UBE2O: variants seen among roughly 807,000 people sequenced by gnomAD.
The protein encoded by UBE2O is ubiquitin conjugating enzyme E2 O, also known as (E3-independent) E2 ubiquitin-conjugating enzyme.
UBE2O carries 15 observed loss-of-function variants against 125.8 expected under a neutral mutation model. That is an observed-to-expected ratio of 0.12 (90% CI 0.08 to 0.18). The LOEUF (loss-of-function observed/expected upper bound fraction) is 0.18, where lower values mean the gene tolerates loss of function less well. UBE2O is among the 10% of genes least tolerant of loss of function. The pLI, the probability that UBE2O is intolerant of heterozygous loss-of-function variation, is 1.00. For missense variants in UBE2O, 1,280 were observed against 1,723.6 expected, an observed-to-expected ratio of 0.74 and a Z score of 4.56; for synonymous variants, 708 against 703.2, an observed-to-expected ratio of 1.01 and a Z score of -0.11.
At chr17:76,428,416 C>G (rs59499025) in intron 1 of UBE2O, among the ~76,000 whole-genome samples, 2,072 of 152,240 alleles carry the variant, frequency 0.014, 45 homozygotes, top group African/African-American at 0.046. Context: ...TTCCTGGGAG[C>G]CTTCGTCAAC....
rs754023189 is a variant in UBE2O at position 76,398,206 on chromosome 17, G to A, written c.2025+49C>T. On this transcript the variant is annotated intron_variant, in intron 12 of 17. Coordinates refer to ENST00000319380, the MANE Select transcript of UBE2O (RefSeq NM_022066.4). This position sits in a 1 kb window ranked among gnomAD's most constrained non-coding sequence, Gnocchi z 5.4. ...GTGGCAGCATCAGGGACTGCAGCTG[G>A]TGCACAGGGCAGTGAGCAGCCATCC... 3.7e-6 allele frequency: 6 copies of A among 1,611,902 alleles called. No homozygotes were observed. The Admixed American group carries it at 6.7e-5, about 18-fold the overall frequency.
intron 1 of UBE2O, among the ~76,000 whole-genome samples, chr17:76,435,508 C>T (rs913404289): frequency 3.3e-5 from 5 of 151,810 alleles, no homozygotes; most frequent in Admixed American, 6.6e-5. Context: ...CAAGCTAATT[C>T]GCAATATTCC....
intron 1 of UBE2O, among the ~76,000 whole-genome samples, chr17:76,428,577 T>C (rs1264309378): frequency 6.6e-6 from 1 of 152,230 alleles, no homozygotes; most frequent in Non-Finnish European, 1.5e-5. Flanking sequence ...GAATCAGCTC[T>C]GATTCCTCGG....
chr17:76,416,056 T>TATATATGTGTGTGTACATATGTACAC (rs2072605453), intron 1 of UBE2O, among the ~76,000 whole-genome samples: 1 of 151,664 alleles, frequency 6.6e-6, no homozygotes, highest in African/African-American at 2.4e-5. Context: ...CATATGTACA[T>TATATATGTGTGTGTACATATGTACAC]ACACGTATAT....
intron 1 of UBE2O, among the ~76,000 whole-genome samples, chr17:76,434,467 C>A (rs765050393): frequency 6.6e-6 from 1 of 152,118 alleles, no homozygotes; most frequent in East Asian, 1.9e-4. Context: ...AAAGGACACG[C>A]CAATAGTCCT....
In UBE2O at chr17:76,452,829, C is replaced by G. The variant is rs750596537; in HGVS notation, c.313G>C (p.Gly105Arg). 7.6e-5 allele frequency: 115 copies of G among 1,505,004 alleles called. No individual in the cohort carries two copies. Among genetic ancestry groups the G allele is most frequent in the Non-Finnish European group, 9.6e-5 (108 of 1,127,864 alleles). The allele number at this position is 1,505,004 out of a possible 1,614,324, so 93.2% of individuals were successfully genotyped here. ...GRGSSGCSEA[G>R]GAGHEEGRAS... ...CGGCCCTCCTCGTGGCCCGCGCCCCCGGCCTCGGAGCACCCCGAGCTCCCG... is the reference window on the plus strand; with the variant it reads ...CGGCCCTCCTCGTGGCCCGCGCCCCGGGCCTCGGAGCACCCCGAGCTCCCG... Residue 105 changes from glycine (G) to arginine (R), a missense_variant, in exon 1 of 18, where the codon GGG (glycine) becomes CGG (arginine). This residue lies in a region of UBE2O where 188 missense variants were observed against 192.5 expected (regional missense o/e 0.98). Coordinates refer to ENST00000319380, the MANE Select transcript of UBE2O (RefSeq NM_022066.4). The surrounding 1 kb of genome is among the most constrained non-coding windows in gnomAD (Gnocchi z 4.4).
At position 76,396,092 on chromosome 17, in the gene UBE2O, C is replaced by T. The variant is rs772839520; in HGVS notation, c.2809+36G>A. ...GACACAAACAGGAGCCCCGAGAAGG[C>T]GGGGGAAGGCGAAGACCAGGCAAGG... On this transcript the variant is annotated intron_variant, in intron 14 of 17. Coordinates refer to ENST00000319380, the MANE Select transcript of UBE2O (RefSeq NM_022066.4). The surrounding 1 kb of genome is among the most constrained non-coding windows in gnomAD (Gnocchi z 6.7). 16 of 1,600,996 alleles carry T rather than the reference C, an allele frequency of 1.0e-5. No homozygotes were observed. In the African/African-American group the frequency reaches 1.5e-4, roughly 15 times the overall value.
At position 76,399,367 on chromosome 17, in the gene UBE2O, G is replaced by A. The variant is rs566546000; in HGVS notation, c.1628+82C>T. 3.6e-5 allele frequency: 48 copies of A among 1,333,050 alleles called. No homozygotes were observed. The South Asian group carries it at 3.9e-4, about 11-fold the overall frequency. 82.6% of individuals were successfully genotyped at this position (1,333,050 alleles called of 1,614,324 possible). On this transcript the variant is annotated intron_variant, in intron 9 of 17. Transcript: ENST00000319380. The surrounding 1 kb of genome is among the most constrained non-coding windows in gnomAD (Gnocchi z 6.9). The stretch of plus-strand genomic sequence containing the variant: ...GGCATGCAGAGGTGTGTGTGCGAGC[G>A]CAGGCACGCACACCGAGGGGACGCG...
Position 76,392,003 on chromosome 17 carries a change from G to T in UBE2O, c.3057C>A (p.Phe1019Leu). The T allele has an allele frequency of 6.3e-7, 1 of 1,598,632 alleles. No individual in the cohort carries two copies. The change falls in exon 16 of 18, where the codon TTC becomes TTA. Residue 1019 changes from phenylalanine to leucine, a missense_variant. Coordinates refer to ENST00000319380, the MANE Select transcript of UBE2O (RefSeq NM_022066.4). ...PNIYPAVPPHFCYLSQCSGRL... is the reference protein window; with the variant it reads ...PNIYPAVPPHLCYLSQCSGRL... ...GGCCACTGCATTGGGAGAGGTAGCA[G>T]AAGTGGGGGGGCACGGCTGGGTAGA...
chr17:76,396,669 C>T lies in UBE2O; in HGVS notation c.2268G>A (p.Glu756=). The T allele has an allele frequency of 5.0e-6, 8 of 1,613,720 alleles. No individual in the cohort carries two copies. In the South Asian group the frequency reaches 8.8e-5, roughly 18 times the overall value. Residue 756 remains glutamate (E), a synonymous_variant, in exon 14 of 18, where the codon GAG becomes GAA. Coordinates refer to ENST00000319380, the MANE Select transcript of UBE2O (RefSeq NM_022066.4). This position sits in a 1 kb window ranked among gnomAD's most constrained non-coding sequence, Gnocchi z 6.7. ...GCTCCAGGGGTGGGATGGGGGGCTC[C>T]TCTATCTTGGGGTGCTCGTCCTCCA... The part of the protein sequence containing the change: ...GLVEDEHPKI[E]EPPIPPLEQP...
intron 1 of UBE2O, among the ~76,000 whole-genome samples, chr17:76,444,962 G>A (rs574775111): frequency 5.9e-5 from 9 of 152,320 alleles, no homozygotes; most frequent in African/African-American, 1.4e-4. Context: ...CACACAGTCC[G>A]GTGACCACAC....
At position 76,398,910 on chromosome 17, in the gene UBE2O, G is replaced by A. The variant is rs2072265082; in HGVS notation, c.1710C>T (p.Ser570=). 1.2e-6 allele frequency: 2 copies of A among 1,614,180 alleles called. No homozygotes were observed. Among genetic ancestry groups the A allele is most frequent in the East Asian group, 4.5e-5 (2 of 44,886 alleles). ...GGTGGTGCACAGGGAAGAGGTCGTT[G>A]GAGCGGATGTTGCATTCCACGGAGC... The part of the protein sequence containing the change: ...QDGSVECNIR[S]NDLFPVHHLD... The change falls in exon 10 of 18, where the codon TCC becomes TCT. Residue 570 remains serine (S), a synonymous_variant. Coordinates refer to ENST00000319380, the MANE Select transcript of UBE2O (RefSeq NM_022066.4). The surrounding 1 kb of genome is among the most constrained non-coding windows in gnomAD (Gnocchi z 5.4).
At chr17:76,437,149 T>TAAAAAA (rs35867938) in intron 1 of UBE2O, among the ~76,000 whole-genome samples, 2 of 129,106 alleles carry the variant, frequency 1.5e-5, no homozygotes, top group African/African-American at 6.2e-5. Flanking sequence ...ACTCCATCTT[T>TAAAAAA]AAAAAAAAAA....
chr17:76,414,974 A>C (rs866354607), intron 1 of UBE2O, among the ~76,000 whole-genome samples: 5 of 152,198 alleles, frequency 3.3e-5, no homozygotes, highest in African/African-American at 1.2e-4. Context: ...TCCTTCCTCA[A>C]AAGTATAAGT....
intron 1 of UBE2O, among the ~76,000 whole-genome samples, chr17:76,413,698 C>T (rs1464721683): frequency 6.6e-6 from 1 of 152,168 alleles, no homozygotes. Flanking sequence ...GGCCAGGCTT[C>T]AGGGCAGTTA....
chr17:76,392,590 T>C (rs2072131761), intron 15 of UBE2O, among the ~76,000 whole-genome samples: 1 of 151,454 alleles, frequency 6.6e-6, no homozygotes, highest in African/African-American at 2.4e-5. Flanking sequence ...CATTGAACCC[T>C]GGCTAAGAGA....
intron 1 of UBE2O, among the ~76,000 whole-genome samples, chr17:76,414,548 T>G (rs550073103): frequency 6.6e-5 from 10 of 152,332 alleles, no homozygotes; most frequent in Admixed American, 5.2e-4. Flanking sequence ...CCCTCACCCC[T>G]GACACCCTCT....
chr17:76,436,121 C>G (rs182063878), intron 1 of UBE2O, among the ~76,000 whole-genome samples: 25 of 152,260 alleles, frequency 1.6e-4, no homozygotes, highest in African/African-American at 4.8e-4. Context: ...GTGGTGTGCA[C>G]CTGTAATCCC....
rs445683 is a variant in UBE2O at position 76,405,440 on chromosome 17, C to G, written c.477+73G>C. 4 of 1,524,838 alleles carry G rather than the reference C, an allele frequency of 2.6e-6. No individual in the cohort carries two copies. Among genetic ancestry groups the G allele is most frequent in the South Asian group, 1.2e-5 (1 of 85,592 alleles). The allele number at this position is 1,524,838 out of a possible 1,614,324, so 94.5% of individuals were successfully genotyped here. On this transcript the variant is annotated intron_variant, in intron 2 of 17. Coordinates refer to ENST00000319380, the MANE Select transcript of UBE2O (RefSeq NM_022066.4). This position sits in a 1 kb window ranked among gnomAD's most constrained non-coding sequence, Gnocchi z 6.1. ...GGCCAGTTCTCCCACATGCAGAGTG[C>G]GAGGTGGGCAGGCTCAAGTCCCTAA... is the stretch of plus-strand genomic sequence containing the variant.
Sources: allele counts gnomAD v4.1 joint callset (sites outside exome capture counted in the v4.1 genomes callset), GRCh38; gene constraint gnomAD v4.1.1; regional missense constraint gnomAD v4.1.1; non-coding constraint Gnocchi (gnomAD v3.1); transcripts MANE v1.5; gene names NCBI Gene and HGNC (gene_info 2026-07-23, HGNC 2026-07-21).